APC: variants seen among roughly 807,000 people sequenced by gnomAD.
APC encodes the protein adenomatous polyposis coli protein.
A neutral mutation model predicts 247.0 loss-of-function variants in APC; 72 were observed. The ratio of observed to expected loss-of-function variants is 0.29; its 90% CI spans 0.24 to 0.35. The LOEUF is 0.35. Ranked by LOEUF, APC falls within the 10% of genes least tolerant of loss-of-function variation. APC has a pLI of 1.00. For synonymous variants in APC, 1,254 were observed against 1,162.5 expected, an observed-to-expected ratio of 1.08 and a Z score of -1.60; for missense variants, 3,400 against 3,360.7, an observed-to-expected ratio of 1.01 and a Z score of -0.29.
intron 6 of APC, among the ~76,000 whole-genome samples, chr5:112,786,865 C>A (rs1759005976): frequency 6.6e-6 from 1 of 150,790 alleles, no homozygotes; most frequent in Admixed American, 6.6e-5. Flanking sequence ...TGCAACTACT[C>A]AACCCTGCCT....
At chr5:112,761,097 C>T (rs1189535000) in intron 2 of APC, among the ~76,000 whole-genome samples, 5 of 152,154 alleles carry the variant, frequency 3.3e-5, no homozygotes, top group Non-Finnish European at 7.4e-5. Context: ...GTGTGAGCCA[C>T]CACCCCCAGC....
intron 5 of APC, chr5:112,778,114 C>G (rs1027119466): frequency 4.7e-6 from 1 of 213,324 alleles, no homozygotes; most frequent in Admixed American, 4.6e-5. Flanking sequence ...TCTTCCGGCT[C>G]TGCCTCTTCA....
chr5:112,717,009 T>TTTG lies in APC; in HGVS notation c.165+9142_165+9144dup, dbSNP rs889554450. On this transcript the variant is annotated intron_variant, in intron 1 of 13. Coordinates refer to the APC transcript ENST00000507379. ...TCATATAGTTATTTTTGTTTGTTTG[T>TTTG]TTGTTGTTGTTGTTGTTTTGAGACA... Among the ~76,000 whole-genome samples the TTTG allele has an allele frequency of 3.9e-5, 6 of 152,028 alleles. No homozygotes were observed. In the South Asian group the frequency reaches 6.2e-4, roughly 16 times the overall value.
At chr5:112,750,950 C>A (rs1754292788) in intron 1 of APC, among the ~76,000 whole-genome samples, 1 of 152,114 alleles carries the variant, frequency 6.6e-6, no homozygotes, top group African/African-American at 2.4e-5. Flanking sequence ...TATTTCCCAG[C>A]ACCACTTTAA....
intron 6 of APC, among the ~76,000 whole-genome samples, chr5:112,784,318 T>A (rs887807033): frequency 6.6e-6 from 1 of 152,222 alleles, no homozygotes; most frequent in Non-Finnish European, 1.5e-5. Context: ...TCTGCCTGCC[T>A]TGACCTCCCA....
intron 8 of APC, among the ~76,000 whole-genome samples, chr5:112,805,859 C>A (rs1761324924): frequency 6.6e-6 from 1 of 152,222 alleles, no homozygotes; most frequent in Admixed American, 6.5e-5. Context: ...CTTCTCTCAC[C>A]TGGTTTCCTG....
Position 112,842,830 on chromosome 5 carries a change from A to G in APC, c.7236A>G (p.Lys2412=). The change falls in exon 16 of 16, where the codon AAA becomes AAG. Residue 2412 remains lysine, a synonymous_variant. Transcript: ENST00000257430. ...TGAATAATGGTAATGGAGCCAATAA[A>G]AAGGTAGAACTTTCTAGAATGTCTT... ...NQMNNGNGAN[K]KVELSRMSST... is the part of the protein sequence containing the mutation. 1 of 1,613,864 alleles carries G rather than the reference A, an allele frequency of 6.2e-7. No individual in the cohort carries two copies. Among genetic ancestry groups the G allele is most frequent in the Non-Finnish European group, 8.5e-7 (1 of 1,179,852 alleles).
intron 7 of APC, 145 bp from the exon 8 acceptor site, chr5:112,801,134 A>T (rs529846586): frequency 1.7e-6 from 1 of 599,278 alleles, no homozygotes; most frequent in Non-Finnish European, 3.1e-6. Flanking sequence ...ACTGGAGGTT[A>T]TGAAGTGTAA....
intron 1 of APC, among the ~76,000 whole-genome samples, chr5:112,713,491 A>G (rs1750981296): frequency 6.6e-6 from 1 of 152,184 alleles, no homozygotes; most frequent in Non-Finnish European, 1.5e-5. Flanking sequence ...GGCTGGGAAA[A>G]TGAATATGTG....
chr5:112,836,064 G>A (rs571086589), intron 15 of APC, among the ~76,000 whole-genome samples: 1,506 of 128,338 alleles, frequency 0.012, 17 homozygotes, highest in Middle Eastern at 0.021. Flanking sequence ...ACTCTTGCCC[G>A]GGCTGGAGTA....
chr5:112,792,678 T>G, intron 7 of APC, 149 bp downstream of exon 7: 1 of 649,264 alleles, frequency 1.5e-6, no homozygotes, highest in South Asian at 1.8e-5. Context: ...GAAATTAAAT[T>G]ATCAAAGATT....
intron 1 of APC, among the ~76,000 whole-genome samples, chr5:112,710,111 C>G (rs902953011): frequency 2.0e-5 from 3 of 152,182 alleles, no homozygotes; most frequent in African/African-American, 4.8e-5. Flanking sequence ...TAGAATGCTT[C>G]ACTTTCTGTA....
chr5:112,775,597 A>G (rs978697620), intron 4 of APC, 32 bp from the exon 5 acceptor site: 4 of 1,361,812 alleles, frequency 2.9e-6, no homozygotes, highest in Non-Finnish European at 4.2e-6. Context: ...AGCATTGTTT[A>G]AACGTACCTT....
chr5:112,810,588 A>G (rs916280551), intron 8 of APC, among the ~76,000 whole-genome samples: 1 of 152,204 alleles, frequency 6.6e-6, no homozygotes, highest in Non-Finnish European at 1.5e-5. Context: ...CACATGCTCA[A>G]ATTTCTCTAA....
At chr5:112,762,061 C>G (rs1251010834) in intron 2 of APC, among the ~76,000 whole-genome samples, 3 of 151,976 alleles carry the variant, frequency 2.0e-5, no homozygotes, top group African/African-American at 7.3e-5. Flanking sequence ...AACAAAAAGA[C>G]AATCCAGTTT....
intron 2 of APC, among the ~76,000 whole-genome samples, chr5:112,759,465 C>A (rs574497131): frequency 2.7e-5 from 4 of 148,036 alleles, no homozygotes; most frequent in Non-Finnish European, 4.4e-5. Flanking sequence ...TCAAGCTAAT[C>A]TCCTGCCTCA....
intron 8 of APC, among the ~76,000 whole-genome samples, chr5:112,804,685 A>C (rs556430148): frequency 1.2e-4 from 18 of 152,282 alleles, no homozygotes; most frequent in African/African-American, 3.8e-4. Context: ...GCCAATTACA[A>C]CTTTTTTAAT....
chr5:112,810,309 C>G (rs1230983010), intron 8 of APC: 2 of 263,848 alleles, frequency 7.6e-6, no homozygotes, highest in Non-Finnish European at 1.5e-5. Context: ...GATATATACG[C>G]AGGTAATTTT....
chr5:112,751,886 C>T (rs1344830691), intron 1 of APC, among the ~76,000 whole-genome samples: 1 of 151,902 alleles, frequency 6.6e-6, no homozygotes, highest in East Asian at 1.9e-4. Flanking sequence ...GTTGATAGAT[C>T]ATGTTAAAGA....
Sources: gnomAD v4.1 joint callset for allele counts (sites outside exome capture counted in the v4.1 genomes callset) on GRCh38, gnomAD v4.1.1 for gene constraint, MANE v1.5 for transcripts, NCBI Gene and HGNC (gene_info 2026-07-23, HGNC 2026-07-21) for gene names.